TPM1: variants seen among roughly 807,000 people sequenced by gnomAD.
TPM1 encodes the protein tropomyosin alpha-1 chain.
Under a neutral mutation model 42.9 loss-of-function variants are expected in TPM1, and 24 were observed. The observed-to-expected ratio is 0.56, with a 90% confidence interval of 0.41 to 0.79. TPM1 has a LOEUF of 0.79. TPM1 is among the 30% of genes least tolerant of loss of function. The pLI is 0.00. For missense variants in TPM1, 158 were observed against 351.8 expected (o/e 0.45, Z 4.41); for synonymous variants, 136 against 130.1 (o/e 1.05, Z -0.31).
intron 2 of TPM1, among the ~76,000 whole-genome samples, chr15:63,052,308 A>T (rs915666176): frequency 2.0e-5 from 3 of 152,168 alleles, no homozygotes; most frequent in African/African-American, 7.2e-5. Flanking sequence ...GGATCACCTG[A>T]GGTCAGCAGT....
chr15:63,057,642 A>G (rs2035010453), intron 3 of TPM1, among the ~76,000 whole-genome samples: 1 of 152,236 alleles, frequency 6.6e-6, no homozygotes, highest in South Asian at 2.1e-4. Flanking sequence ...TATACACAAC[A>G]CACATGCACA....
downstream of TPM1, chr15:63,069,830 T>C (rs372305421): frequency 3.1e-5 from 50 of 1,613,602 alleles, no homozygotes; most frequent in African/African-American, 6.4e-4. Context: ...CTGTCTTCCT[T>C]CTGCCTCTTT....
exon 9 of TPM1, chr15:63,071,297 C>A: frequency 8.9e-7 from 1 of 1,124,634 alleles, no homozygotes; most frequent in Non-Finnish European, 1.3e-6. Context: ...AAGATACCAG[C>A]TAGGTCAGGG....
At chr15:63,048,630 G>A in intron 2 of TPM1, 1 of 1,536,982 alleles carries the variant, frequency 6.5e-7, no homozygotes, top group African/African-American at 1.4e-5. Context: ...GAGCCTGCAG[G>A]AGCAGGCGGA....
At chr15:63,070,314 G>GTA (rs2036542117), downstream of TPM1, 5 of 829,840 alleles carry the variant, frequency 6.0e-6, no homozygotes, top group African/African-American at 9.4e-5. Flanking sequence ...ATATGTGTGT[G>GTA]TGTGTGTGTG....
At chr15:63,044,431 T>C (rs746541599) in intron 2 of TPM1, 51 of 602,486 alleles carry the variant, frequency 8.5e-5, no homozygotes, top group Non-Finnish European at 1.3e-4. Flanking sequence ...GAAATTGGAC[T>C]CTGGAGGTGA....
At chr15:63,060,992 C>T (rs374720707) in intron 5 of TPM1, 53 bp downstream of exon 5, 135 of 1,602,022 alleles carry the variant, frequency 8.4e-5, no homozygotes, top group Non-Finnish European at 1.1e-4. Flanking sequence ...AGAGCAGTGA[C>T]TAAACAGCAT....
exon 9 of TPM1, chr15:63,071,339 C>T: frequency 1.5e-6 from 1 of 687,008 alleles, no homozygotes; most frequent in Non-Finnish European, 2.4e-6. Context: ...AAGGCAAGCC[C>T]ATGTCAGGGC....
At chr15:63,070,029 G>A, downstream of TPM1, 5 of 1,600,412 alleles carry the variant, frequency 3.1e-6, no homozygotes, top group Non-Finnish European at 4.3e-6. Flanking sequence ...TCAACTAATA[G>A]AGTTGAAAAC....
intron 2 of TPM1, 195 bp downstream of exon 2, chr15:63,044,347 T>C: frequency 2.5e-6 from 2 of 788,294 alleles, no homozygotes; most frequent in Non-Finnish European, 4.1e-6. Context: ...CATCCACTCC[T>C]CTCTTCTTCT....
intron 2 of TPM1, chr15:63,045,579 A>T (rs1161648338): frequency 1.3e-5 from 2 of 152,264 alleles, no homozygotes; most frequent in Non-Finnish European, 2.9e-5. Context: ...TCAAGGAAAG[A>T]TATTCCTTAT....
At chr15:63,048,959 T>C (rs2033218469) in intron 2 of TPM1, 4 of 542,898 alleles carry the variant, frequency 7.4e-6, no homozygotes, top group African/African-American at 2.0e-5. Flanking sequence ...GTTGAGAAGG[T>C]TCTGGAAGGA....
intron 3 of TPM1, among the ~76,000 whole-genome samples, chr15:63,059,348 G>T (rs1362103195): frequency 6.6e-6 from 1 of 152,184 alleles, no homozygotes; most frequent in Non-Finnish European, 1.5e-5. Flanking sequence ...TACTCAAAGT[G>T]AGAGAGTTCA....
At chr15:63,067,264 TAAAG>T (rs751738353), downstream of TPM1, among the ~76,000 whole-genome samples, 30 of 152,358 alleles carry the variant, frequency 2.0e-4, no homozygotes, top group Non-Finnish European at 3.2e-4. Flanking sequence ...TACTTTTTTT[TAAAG>T]AAAGCTGTGA....
chr15:63,047,859 A>C (rs1181018584), intron 2 of TPM1: 1 of 199,646 alleles, frequency 5.0e-6, no homozygotes. Flanking sequence ...TGACGCCCAG[A>C]GAAGACAGGT....
chr15:63,063,450 A>G (rs2035913340), intron 8 of TPM1: 1 of 893,008 alleles, frequency 1.1e-6, no homozygotes, highest in East Asian at 1.2e-4. Flanking sequence ...TGTGGCGCCC[A>G]TTGCTTTTCA....
At chr15:63,048,135 C>T (rs951084864) in intron 2 of TPM1, 5 of 434,504 alleles carry the variant, frequency 1.2e-5, no homozygotes, top group Non-Finnish European at 2.3e-5. Context: ...GCTCCCGCGG[C>T]CAGCAGGAGT....
chr15:63,065,852 T>G (rs1292284004), intron 9 of TPM1, 44 bp from the exon 10 acceptor site: 3 of 1,580,256 alleles, frequency 1.9e-6, no homozygotes, highest in South Asian at 1.1e-5. Context: ...TTTTTTCTCA[T>G]TGTGCCACTT....
intron 4 of TPM1, 28 bp downstream of exon 4, chr15:63,059,708 G>A: frequency 6.5e-7 from 1 of 1,537,336 alleles, no homozygotes; most frequent in Non-Finnish European, 9.0e-7. Context: ...AAAGCCTTGT[G>A]GACACCCAGC....
Sources: gnomAD v4.1 joint callset for allele counts (sites outside exome capture counted in the v4.1 genomes callset) on GRCh38, gnomAD v4.1.1 for gene constraint, MANE v1.5 for transcripts, NCBI Gene and HGNC (gene_info 2026-07-23, HGNC 2026-07-21) for gene names.